RAB30: variants seen among roughly 807,000 people sequenced by gnomAD.
The protein encoded by RAB30 is ras-related protein Rab-30.
Under a neutral mutation model 25.1 loss-of-function variants are expected in RAB30, and 9 were observed. The ratio of observed to expected loss-of-function variants is 0.36; its 90% confidence interval spans 0.22 to 0.63. RAB30 has a LOEUF of 0.63. RAB30 is among the 20% of genes least tolerant of loss of function. The probability of loss-of-function intolerance (pLI) is 0.69; values close to 1 mark genes in which losing one functional copy is unlikely to be tolerated. For synonymous variants in RAB30, 77 were observed against 86.4 expected, an observed-to-expected ratio of 0.89 and a Z score of 0.60; for missense variants, 140 against 243.5, an observed-to-expected ratio of 0.58 and a Z score of 2.83.
At chr11:83,052,434 TG>T (rs1858376641) in intron 1 of RAB30, among the ~76,000 whole-genome samples, 1 of 152,116 alleles carries the variant, frequency 6.6e-6, no homozygotes, top group African/African-American at 2.4e-5. Flanking sequence ...GGAAGAGAAA[TG>T]GCCTGGCTAG....
chr11:82,988,375 C>A (rs981626505), intron 3 of RAB30, among the ~76,000 whole-genome samples: 25 of 152,182 alleles, frequency 1.6e-4, no homozygotes, highest in African/African-American at 5.8e-4. Context: ...GAGAGCCAAC[C>A]TCACCACTTT....
chr11:82,987,074 C>T (rs1312826717), intron 4 of RAB30: 1 of 152,206 alleles, frequency 6.6e-6, no homozygotes, highest in African/African-American at 2.4e-5. Flanking sequence ...TCCCCCCATA[C>T]TAAATAGAGG....
At chr11:83,044,012 C>A (rs1312784866) in intron 1 of RAB30, among the ~76,000 whole-genome samples, 1 of 152,152 alleles carries the variant, frequency 6.6e-6, no homozygotes, top group African/African-American at 2.4e-5. Context: ...ATGTTAACAG[C>A]AAGCAGCCAT....
chr11:83,005,715 A>G (rs1857169985), intron 1 of RAB30, among the ~76,000 whole-genome samples: 1 of 152,090 alleles, frequency 6.6e-6, no homozygotes, highest in Non-Finnish European at 1.5e-5. Context: ...ACTCAAAATC[A>G]AGGCTATAAA....
chr11:83,030,352 G>T (rs1381976133), intron 1 of RAB30, among the ~76,000 whole-genome samples: 5 of 150,912 alleles, frequency 3.3e-5, no homozygotes, highest in Admixed American at 2.6e-4. Flanking sequence ...AAAAAAATTA[G>T]TTGGGTGTGG....
intron 3 of RAB30, among the ~76,000 whole-genome samples, chr11:82,989,048 G>A (rs1856797293): frequency 6.6e-6 from 1 of 152,114 alleles, no homozygotes; most frequent in Non-Finnish European, 1.5e-5. Flanking sequence ...GGTCCATTTA[G>A]AGCAAATAGA....
At chr11:83,050,602 T>A (rs1269653907) in intron 1 of RAB30, among the ~76,000 whole-genome samples, 1 of 152,222 alleles carries the variant, frequency 6.6e-6, no homozygotes, top group Non-Finnish European at 1.5e-5. Flanking sequence ...AAATGAGCAG[T>A]GGTACCAAGG....
chr11:83,014,664 AAGAAAGAAAG>A (rs1208149496), intron 1 of RAB30, among the ~76,000 whole-genome samples: 1 of 149,490 alleles, frequency 6.7e-6, no homozygotes, highest in Non-Finnish European at 1.5e-5. Flanking sequence ...GAAAGAAAGA[AAGAAAGAAAG>A]AAAGAAAGAA....
intron 1 of RAB30, among the ~76,000 whole-genome samples, chr11:83,060,657 C>T (rs910346817): frequency 6.6e-6 from 1 of 152,150 alleles, no homozygotes; most frequent in African/African-American, 2.4e-5. Context: ...AACTTGGAAT[C>T]TTCAAAAATT....
intron 1 of RAB30, among the ~76,000 whole-genome samples, chr11:83,060,889 A>C (rs956570262): frequency 5.3e-5 from 8 of 152,162 alleles, no homozygotes; most frequent in Non-Finnish European, 1.0e-4. Flanking sequence ...GGCCTGGAGA[A>C]AACAAAAGCA....
At chr11:82,996,287 CT>C (rs1270448758) in intron 2 of RAB30, among the ~76,000 whole-genome samples, 2 of 152,194 alleles carry the variant, frequency 1.3e-5, no homozygotes, top group Admixed American at 1.3e-4. Flanking sequence ...CACCCAGCCC[CT>C]GATGTGCAAC....
chr11:83,043,781 T>C (rs1858179937), intron 1 of RAB30, among the ~76,000 whole-genome samples: 3 of 152,046 alleles, frequency 2.0e-5, no homozygotes, highest in Non-Finnish European at 2.9e-5. Flanking sequence ...AAAAATTAGA[T>C]AGAAAAAAAA....
At chr11:82,997,008 G>A (rs1391899518) in intron 2 of RAB30, among the ~76,000 whole-genome samples, 2 of 152,168 alleles carry the variant, frequency 1.3e-5, no homozygotes, top group African/African-American at 4.8e-5. Context: ...TGGGAGGGTT[G>A]GTGGAGACTC....
At chr11:83,028,858 G>T (rs534881094) in intron 1 of RAB30, among the ~76,000 whole-genome samples, 1 of 152,244 alleles carries the variant, frequency 6.6e-6, no homozygotes, top group African/African-American at 2.4e-5. Context: ...CCAACATGGC[G>T]AGACCCTATC....
At chr11:82,996,587 A>G (rs570071727) in intron 2 of RAB30, among the ~76,000 whole-genome samples, 3 of 152,332 alleles carry the variant, frequency 2.0e-5, no homozygotes, top group Admixed American at 2.0e-4. Flanking sequence ...GCAGTATATA[A>G]TCTCCAGCAG....
In RAB30 at chr11:83,047,753, A is replaced by C. The variant is rs988144060; in HGVS notation, c.-9+23938T>G. ...TATAAACCTCTTGCTGATTCAAAGGATTTTTTTTTTCTTTCAGTCTTCCTC... is the reference window on the plus strand; with the variant it reads ...TATAAACCTCTTGCTGATTCAAAGGCTTTTTTTTTTCTTTCAGTCTTCCTC... On this transcript the variant is annotated intron_variant, in intron 1 of 4. Transcript: ENST00000527633. 8.6e-5 allele frequency among the ~76,000 whole-genome samples: 13 copies of C among 150,782 alleles called. No homozygotes were observed. In the East Asian group the frequency reaches 2.1e-3, roughly 25 times the overall value.
intron 4 of RAB30, among the ~76,000 whole-genome samples, chr11:82,985,692 A>G (rs902213430): frequency 1.3e-5 from 2 of 151,810 alleles, no homozygotes; most frequent in African/African-American, 4.8e-5. Context: ...GCTGTCAATT[A>G]CAACATATGG....
intron 1 of RAB30, among the ~76,000 whole-genome samples, chr11:83,006,055 T>C (rs149829032): frequency 1.3e-5 from 2 of 152,214 alleles, no homozygotes; most frequent in African/African-American, 2.4e-5. Context: ...TAAGAGGCCA[T>C]TCATCTCAGA....
chr11:83,036,366 T>G (rs1475315797), intron 1 of RAB30, among the ~76,000 whole-genome samples: 1 of 151,986 alleles, frequency 6.6e-6, no homozygotes, highest in African/African-American at 2.4e-5. Flanking sequence ...AAGGTTTTAT[T>G]ATGTTGGCCA....
Sources: gnomAD v4.1 joint callset for allele counts (sites outside exome capture counted in the v4.1 genomes callset) on GRCh38, gnomAD v4.1.1 for gene constraint, MANE v1.5 for transcripts, NCBI Gene and HGNC (gene_info 2026-07-23, HGNC 2026-07-21) for gene names.